MPV17: variants seen among roughly 807,000 people sequenced by gnomAD.
The protein encoded by MPV17 is mitochondrial inner membrane protein MPV17.
In MPV17, 31 loss-of-function variants were observed where a neutral mutation model predicts 28.6. That is an observed-to-expected ratio of 1.08 (90% CI 0.81 to 1.46). The LOEUF (loss-of-function observed/expected upper bound fraction) is 1.46, where lower values mean the gene tolerates loss of function less well. Among genes scored for constraint, MPV17 ranks in the 40% most tolerant of loss-of-function variants. The pLI, the probability that MPV17 is intolerant of heterozygous loss-of-function variation, is 0.00. For missense variants in MPV17, 198 were observed against 216.2 expected (o/e 0.92, Z 0.53); for synonymous variants, 87 against 85.3 (o/e 1.02, Z -0.11).
At chr2:27,322,418 G>T (rs1163298157) in intron 2 of MPV17, 30 bp downstream of exon 2, 9 of 1,595,272 alleles carry the variant, frequency 5.6e-6, no homozygotes, top group Non-Finnish European at 7.7e-6. Context: ...GTCTGCCCTG[G>T]TCCCACTCAA....
At position 27,317,381 on chromosome 2, in the gene MPV17, T is replaced by A; in HGVS notation, c.71-4272A>T. ...TTCTGACCTGAACCCATCCTACTGC[T>A]AGAAAATGAGACAAAACGGGTAGTT... On this transcript the variant is annotated intron_variant, in intron 2 of 7. Transcript: ENST00000380044. The surrounding 1 kb of genome is among the most constrained non-coding windows in gnomAD (Gnocchi z 4.0). The A allele has an allele frequency of 1.5e-6, 1 of 671,382 alleles. No homozygotes were observed. The highest frequency in any genetic ancestry group is 2.4e-6 in the Non-Finnish European group (1 of 424,902). 41.6% of individuals were successfully genotyped at this position (671,382 alleles called of 1,614,324 possible).
At position 27,316,220 on chromosome 2, in the gene MPV17, T is replaced by G. The variant is rs752201681; in HGVS notation, c.71-3111A>C. On this transcript the variant is annotated intron_variant, in intron 2 of 7. Coordinates refer to ENST00000380044, the MANE Select transcript of MPV17 (RefSeq NM_002437.5). The stretch of plus-strand genomic sequence containing the variant: ...GAAACAGAGAAGTGTGTGTTTTCAC[T>G]CTTCATGACTTGCCAACAGTCACAC... The G allele has an allele frequency of 2.1e-5, 32 of 1,550,102 alleles. No individual in the cohort carries two copies. The South Asian group carries it at 3.8e-4, about 18-fold the overall frequency.
chr2:27,309,744 A>G lies in MPV17; in HGVS notation c.*168T>C. 1 of 692,260 alleles carries G rather than the reference A, an allele frequency of 1.4e-6. No individual in the cohort carries two copies. Among genetic ancestry groups the G allele is most frequent in the East Asian group, 2.7e-5 (1 of 37,090 alleles). The allele number at this position is 692,260 out of a possible 1,614,324, so 42.9% of individuals were successfully genotyped here. On this transcript the variant is annotated 3_prime_UTR_variant, in exon 8 of 8. Transcript: ENST00000380044. ...TATTATCAAGGGCTCTAAAGCAGTC[A>G]GTGTACATTTTAGAGTGAAGAGGGG...
In MPV17 at chr2:27,315,291, G is replaced by A. The variant is rs910623086; in HGVS notation, c.71-2182C>T. On this transcript the variant is annotated intron_variant, in intron 2 of 7. Transcript: ENST00000380044. ...GTCGGGTAGAAGGTGTGAGGACGTC[G>A]GGGGAACTGCAGGTTTGCTCCCACC... Among the ~76,000 whole-genome samples the A allele has an allele frequency of 5.3e-5, 8 of 152,274 alleles. No homozygotes were observed. In the East Asian group the frequency reaches 7.7e-4, roughly 15 times the overall value.
At chr2:27,312,943 A>G in intron 3 of MPV17, 51 bp downstream of exon 3, 1 of 1,602,484 alleles carries the variant, frequency 6.2e-7, no homozygotes, top group Non-Finnish European at 8.6e-7. Context: ...GATGGCAAAG[A>G]ACTAAGACCA....
intron 2 of MPV17, among the ~76,000 whole-genome samples, chr2:27,314,272 G>C (rs1446414041): frequency 1.3e-5 from 2 of 152,122 alleles, no homozygotes; most frequent in East Asian, 3.9e-4. Context: ...CCAGGCTGCA[G>C]TGATCACGCC....
rs552175072 is a variant in MPV17 at position 27,321,662 on chromosome 2, A to C, written c.70+786T>G. Among the ~76,000 whole-genome samples the C allele has an allele frequency of 2.6e-5, 4 of 152,248 alleles. No homozygotes were observed. The East Asian group carries it at 5.8e-4, about 22-fold the overall frequency. On this transcript the variant is annotated intron_variant, in intron 2 of 7. Transcript: ENST00000380044. ...TCCTCTTACATTAGCTAACTTGCAA[A>C]ATGAAGATGGTAACAAATGCAGGTA...
Position 27,317,249 on chromosome 2 carries a change from T to C in MPV17, c.71-4140A>G, listed in dbSNP as rs1679690666. 1 of 1,536,346 alleles carries C rather than the reference T, an allele frequency of 6.5e-7. No homozygotes were observed. Among genetic ancestry groups the C allele is most frequent in the Non-Finnish European group, 8.8e-7 (1 of 1,139,832 alleles). On this transcript the variant is annotated intron_variant, in intron 2 of 7. Transcript: ENST00000380044. The surrounding 1 kb of genome is among the most constrained non-coding windows in gnomAD (Gnocchi z 4.0). ...TCCCCAGAAGTCTGCAAACATTAGT[T>C]AGCTGCCTAGGATAGGGGCTCAGTC...
chr2:27,316,270 T>G (rs1679647420), intron 2 of MPV17: 2 of 1,498,914 alleles, frequency 1.3e-6, no homozygotes, highest in South Asian at 1.2e-5. Flanking sequence ...AGAGCTGGAA[T>G]GAAAAGCCAA....
At chr2:27,311,788 G>A (rs974635100) in intron 7 of MPV17, 111 bp downstream of exon 7, 56 of 1,569,698 alleles carry the variant, frequency 3.6e-5, no homozygotes, top group Non-Finnish European at 4.8e-5. Flanking sequence ...TCACGGCTCA[G>A]TGTTCCGTTT....
At chr2:27,314,935 G>A (rs1178577528) in intron 2 of MPV17, among the ~76,000 whole-genome samples, 1 of 152,234 alleles carries the variant, frequency 6.6e-6, no homozygotes, top group African/African-American at 2.4e-5. Flanking sequence ...TGGCAGCTGG[G>A]TATGGCTGAG....
At chr2:27,322,351 G>A (rs1679891155) in intron 2 of MPV17, 97 bp downstream of exon 2, 3 of 1,050,214 alleles carry the variant, frequency 2.9e-6, no homozygotes, top group Admixed American at 3.4e-5. Flanking sequence ...CAAGAGAGCC[G>A]AATAGAAACA....
intron 2 of MPV17, among the ~76,000 whole-genome samples, chr2:27,318,357 C>T (rs996701506): frequency 2.7e-5 from 4 of 147,830 alleles, no homozygotes; most frequent in African/African-American, 1.0e-4. Flanking sequence ...GTGAGCACTG[C>T]GCCCGGCCTT....
At chr2:27,312,933 G>T (rs1679510135) in intron 3 of MPV17, 61 bp downstream of exon 3, 4 of 1,590,140 alleles carry the variant, frequency 2.5e-6, no homozygotes, top group Non-Finnish European at 3.5e-6. Flanking sequence ...GAAGCCAAAG[G>T]ATGGCAAAGA....
intron 2 of MPV17, 23 bp from the exon 3 acceptor site, chr2:27,313,132 G>A (rs1200902711): frequency 6.2e-7 from 1 of 1,614,152 alleles, no homozygotes; most frequent in Non-Finnish European, 8.5e-7. Flanking sequence ...CACAGGTGTT[G>A]TCAGGACATC....
At chr2:27,318,566 C>T (rs905612558) in intron 2 of MPV17, among the ~76,000 whole-genome samples, 1 of 151,018 alleles carries the variant, frequency 6.6e-6, no homozygotes, top group African/African-American at 2.4e-5. Flanking sequence ...CCATGTTGGC[C>T]AGGCTGGTCT....
At chr2:27,310,267 TG>T (rs1679380854) in intron 7 of MPV17, among the ~76,000 whole-genome samples, 8 of 152,140 alleles carry the variant, frequency 5.3e-5, no homozygotes, top group Admixed American at 3.9e-4. Context: ...GGCTAATTTT[TG>T]TATTTTTAGG....
In MPV17 at chr2:27,309,540, G is replaced by T; in HGVS notation, c.*372C>A. 2.2e-6 allele frequency: 1 copy of T among 461,004 alleles called. No homozygotes were observed. The highest frequency in any genetic ancestry group is 3.6e-5 in the East Asian group (1 of 27,990). 28.6% of individuals were successfully genotyped at this position (461,004 alleles called of 1,614,324 possible). On this transcript the variant is annotated 3_prime_UTR_variant, in exon 8 of 8. Coordinates refer to ENST00000380044, the MANE Select transcript of MPV17 (RefSeq NM_002437.5). Reference sequence around the variant, plus strand: ...ATATTTACTGAGGCACCATATAAAGGGTTCCGGGAGTCTCTAAAGAGCTGG... The same window carrying T: ...ATATTTACTGAGGCACCATATAAAGTGTTCCGGGAGTCTCTAAAGAGCTGG...
intron 2 of MPV17, among the ~76,000 whole-genome samples, chr2:27,319,148 A>T (rs1679763937): frequency 1.3e-5 from 2 of 151,942 alleles, no homozygotes; most frequent in South Asian, 4.2e-4. Flanking sequence ...TCAATAATGC[A>T]TCCTTAGAGT....
Sources: gnomAD v4.1 joint callset for allele counts (sites outside exome capture counted in the v4.1 genomes callset) on GRCh38, gnomAD v4.1.1 for gene constraint, Gnocchi (gnomAD v3.1) non-coding constraint, MANE v1.5 for transcripts, NCBI Gene and HGNC (gene_info 2026-07-23, HGNC 2026-07-21) for gene names.